ATRX: variants seen among roughly 807,000 people sequenced by gnomAD.
The protein encoded by ATRX is ATRX chromatin remodeler.
A neutral mutation model predicts 172.6 loss-of-function variants in ATRX; 12 were observed. The ratio of observed to expected loss-of-function variants is 0.07; its 90% CI spans 0.04 to 0.11. ATRX has a LOEUF of 0.11. Among genes scored for constraint, ATRX ranks in the 10% least tolerant of loss-of-function variants. The pLI, the probability that ATRX is intolerant of heterozygous loss-of-function variation, is 1.00. For synonymous variants in ATRX, 674 were observed against 594.7 expected, an observed-to-expected ratio of 1.13 and a Z score of -1.94; for missense variants, 1,368 against 1,767.4, an observed-to-expected ratio of 0.77 and a Z score of 4.05.
chrX:77,735,635 T>TAAATAAATA (rs1271846022), intron 1 of ATRX, among the ~76,000 whole-genome samples: 1 of 76,619 alleles, frequency 1.3e-5, no homozygotes, highest in African/African-American at 5.1e-5. Context: ...AATAAATAAA[T>TAAATAAATA]AAAAATAAAT....
intron 30 of ATRX, among the ~76,000 whole-genome samples, chrX:77,552,017 T>C (rs1433187129): frequency 1.8e-5 from 2 of 111,689 alleles, no homozygotes; most frequent in Non-Finnish European, 3.8e-5. Flanking sequence ...TTTACACTGT[T>C]GGTGGGACTG....
At chrX:77,784,486 T>C (rs2076668539) in intron 1 of ATRX, among the ~76,000 whole-genome samples, 2 of 112,302 alleles carry the variant, frequency 1.8e-5, no homozygotes, top group South Asian at 7.3e-4. Flanking sequence ...TTGTGAAACT[T>C]AGTAAAATCT....
intron 30 of ATRX, among the ~76,000 whole-genome samples, chrX:77,555,314 T>C (rs1156585721): frequency 8.9e-6 from 1 of 111,901 alleles, no homozygotes; most frequent in Non-Finnish European, 1.9e-5. Context: ...CTCAAGGATC[T>C]AGAACCAGAA....
chrX:77,620,389 A>T lies in ATRX; in HGVS notation c.5272+6T>A. On this transcript the variant is annotated splice_donor_region_variant and intron_variant, in intron 20 of 34. Transcript: ENST00000373344. ...TTCTACTGCATAATCAGAGATATTAACTCACACTCAATTAGGTTATTTTGA... is the reference window on the plus strand; with the variant it reads ...TTCTACTGCATAATCAGAGATATTATCTCACACTCAATTAGGTTATTTTGA... 1 of 1,206,532 alleles carries T rather than the reference A, an allele frequency of 8.3e-7. No individual in the cohort carries two copies. The highest frequency in any genetic ancestry group is 1.1e-6 in the Non-Finnish European group (1 of 891,246).
chrX:77,782,339 T>G (rs1229123180), intron 1 of ATRX, among the ~76,000 whole-genome samples: 1 of 112,549 alleles, frequency 8.9e-6, no homozygotes, highest in Non-Finnish European at 1.9e-5. Context: ...TTCTGCCTTT[T>G]TATATTTAAG....
intron 9 of ATRX, among the ~76,000 whole-genome samples, chrX:77,681,161 A>G (rs972505609): frequency 1.8e-5 from 2 of 111,867 alleles, no homozygotes; most frequent in Non-Finnish European, 3.8e-5. Flanking sequence ...ATGTCATACC[A>G]GTACCAAGCA....
At chrX:77,624,094 C>T (rs1014964868) in intron 19 of ATRX, among the ~76,000 whole-genome samples, 2 of 111,653 alleles carry the variant, frequency 1.8e-5, no homozygotes, top group Non-Finnish European at 3.8e-5. Flanking sequence ...GGGCCGGGTG[C>T]GGTGGCTCAC....
chrX:77,693,955 A>T lies in ATRX; in HGVS notation c.371-18T>A. 8.9e-7 allele frequency: 1 copy of T among 1,121,801 alleles called. No homozygotes were observed. 92.4% of individuals were successfully genotyped at this position (1,121,801 alleles called of 1,213,427 possible). On this transcript the variant is annotated intron_variant, in intron 5 of 34. Coordinates refer to ENST00000373344, the MANE Select transcript of ATRX (RefSeq NM_000489.6). ...CACTGTACCTAGAATGATTTCATTT[A>T]AAAAACCATTACACATATTAAATGT...
chrX:77,651,206 A>G (rs1478056774), intron 15 of ATRX, among the ~76,000 whole-genome samples: 1 of 79,631 alleles, frequency 1.3e-5, no homozygotes, highest in African/African-American at 5.0e-5. Context: ...GACAAGAGTG[A>G]AACTCCATCT....
chrX:77,756,691 A>G (rs1376969460), intron 1 of ATRX, among the ~76,000 whole-genome samples: 1 of 110,430 alleles, frequency 9.1e-6, no homozygotes, highest in Non-Finnish European at 1.9e-5. Flanking sequence ...TCCCAATGAG[A>G]TGAACTGGGT....
chrX:77,635,673 A>G (rs1033728320), intron 16 of ATRX, among the ~76,000 whole-genome samples: 14 of 112,567 alleles, frequency 1.2e-4, no homozygotes, highest in African/African-American at 9.7e-5. Context: ...CCTACTTGCT[A>G]TATCTACCCA....
rs1557041766 is a variant in ATRX, at chrX:77,522,252, T to C, written c.6975+11A>G. On this transcript the variant is annotated intron_variant, in intron 32 of 34. Coordinates refer to ENST00000373344, the MANE Select transcript of ATRX (RefSeq NM_000489.6). ...ATTCATGTCAAACTACTTTTGTACT[T>C]CACAACTCACCTCCAGCTGTTGATT... The C allele has an allele frequency of 8.3e-7, 1 of 1,210,680 alleles. No homozygotes were observed. The highest frequency in any genetic ancestry group is 1.8e-5 in the South Asian group (1 of 56,971).
In ATRX at chrX:77,688,144, AG is replaced by A. The variant is rs368796026; in HGVS notation, c.594+673del. Among the ~76,000 whole-genome samples the A allele has an allele frequency of 5.4e-3, 592 of 110,546 alleles. 2 individuals carry two copies. Among genetic ancestry groups the A allele is most frequent in the African/African-American group, 0.018 (555 of 30,348 alleles). On this transcript the variant is annotated intron_variant, in intron 7 of 34. Coordinates refer to ENST00000373344, the MANE Select transcript of ATRX (RefSeq NM_000489.6). ...AGTAGACACGGGGTTTCACCATGTT[AG>A]CCAGGCTGGTCTCGAACTCCTGACC...
At chrX:77,585,883 G>A (rs1037530845) in intron 27 of ATRX, among the ~76,000 whole-genome samples, 2 of 110,806 alleles carry the variant, frequency 1.8e-5, no homozygotes, top group African/African-American at 3.3e-5. Context: ...AATAAGCTAG[G>A]CAGAGAAAGA....
chrX:77,589,586 G>T (rs2066159381), intron 27 of ATRX, among the ~76,000 whole-genome samples: 1 of 111,769 alleles, frequency 8.9e-6, no homozygotes, highest in African/African-American at 3.2e-5. Context: ...CTTCACTACA[G>T]TAGCCATTTT....
chrX:77,704,177 A>G (rs782510212), intron 2 of ATRX, among the ~76,000 whole-genome samples: 1 of 110,486 alleles, frequency 9.1e-6, no homozygotes, highest in Non-Finnish European at 1.9e-5. Flanking sequence ...TCTCTGCAGG[A>G]AAGTCGACCC....
At chrX:77,662,693 T>A (rs1255842901) in intron 12 of ATRX, among the ~76,000 whole-genome samples, 2 of 111,166 alleles carry the variant, frequency 1.8e-5, no homozygotes, top group East Asian at 5.6e-4. Flanking sequence ...TTAAATTTTT[T>A]TTTTTTTATT....
intron 15 of ATRX, among the ~76,000 whole-genome samples, chrX:77,649,396 A>C (rs2069095196): frequency 8.9e-6 from 1 of 112,014 alleles, no homozygotes; most frequent in East Asian, 2.8e-4. Flanking sequence ...ATTGGAATGG[A>C]ATTAGCAAAA....
chrX:77,741,877 GTCATGAAAA>G (rs782340210), intron 1 of ATRX, among the ~76,000 whole-genome samples: 1 of 111,855 alleles, frequency 8.9e-6, no homozygotes, highest in Admixed American at 9.6e-5. Flanking sequence ...CAAATCCCAG[GTCATGAAAA>G]TCAGCCCAAA....
Sources: gnomAD v4.1 joint callset for allele counts (sites outside exome capture counted in the v4.1 genomes callset) on GRCh38, gnomAD v4.1.1 for gene constraint, MANE v1.5 for transcripts, NCBI Gene and HGNC (gene_info 2026-07-23, HGNC 2026-07-21) for gene names.